Variants in RABGAP1L observed in about 807,000 individuals in gnomAD.
RABGAP1L encodes RAB GTPase activating protein 1 like.
In RABGAP1L, 63 loss-of-function variants were observed where a neutral mutation model predicts 137.7. The observed-to-expected ratio is 0.46, with a 90% CI of 0.37 to 0.56. The LOEUF is 0.56. Among genes scored for constraint, RABGAP1L ranks in the 20% least tolerant of loss-of-function variants. The pLI is 0.00. For synonymous variants in RABGAP1L, 431 were observed against 433.7 expected (o/e 0.99, Z 0.08); for missense variants, 1,095 against 1,244.0 (o/e 0.88, Z 1.80).
chr1:174,638,450 A>C (rs1236101864), intron 14 of RABGAP1L, among the ~76,000 whole-genome samples: 1 of 152,080 alleles, frequency 6.6e-6, no homozygotes, highest in Admixed American at 6.6e-5. Context: ...ACTGTAAACT[A>C]GTTCAACCAT....
chr1:174,629,025 T>G (rs1013119406), intron 13 of RABGAP1L, among the ~76,000 whole-genome samples: 1 of 152,194 alleles, frequency 6.6e-6, no homozygotes, highest in Non-Finnish European at 1.5e-5. Flanking sequence ...ATATTTCTTG[T>G]AAAAATTGAC....
chr1:174,561,159 T>G (rs1406596687), intron 13 of RABGAP1L, among the ~76,000 whole-genome samples: 1 of 152,164 alleles, frequency 6.6e-6, no homozygotes, highest in Non-Finnish European at 1.5e-5. Flanking sequence ...GATAAGCAAC[T>G]TCAGCAAAGT....
At chr1:174,627,456 A>G (rs1033982409) in intron 13 of RABGAP1L, among the ~76,000 whole-genome samples, 1 of 152,242 alleles carries the variant, frequency 6.6e-6, no homozygotes, top group African/African-American at 2.4e-5. Flanking sequence ...GTCAGTGTAT[A>G]TACGTTATAC....
At position 174,637,497 on chromosome 1, in the gene RABGAP1L, C is replaced by G. The variant is rs534287619; in HGVS notation, c.1824+9C>G. On this transcript the variant is annotated intron_variant, in intron 14 of 25. Coordinates refer to ENST00000681986, the MANE Select transcript of RABGAP1L (RefSeq NM_001366446.1). ...TCTATAAGATCTGCAAGGTAGGACT[C>G]TCTTCCTCACTTTTTCTAAATTATT... 7.2e-6 allele frequency: 11 copies of G among 1,533,714 alleles called. No individual in the cohort carries two copies. The East Asian group carries it at 2.5e-4, about 35-fold the overall frequency.
chr1:174,325,850 T>C (rs1481660321), intron 11 of RABGAP1L, among the ~76,000 whole-genome samples: 1 of 152,212 alleles, frequency 6.6e-6, no homozygotes, highest in Non-Finnish European at 1.5e-5. Flanking sequence ...AGGGGCCGTT[T>C]ATGGGCATCA....
intron 13 of RABGAP1L, among the ~76,000 whole-genome samples, chr1:174,400,704 T>C (rs1648469067): frequency 6.6e-6 from 1 of 152,044 alleles, no homozygotes; most frequent in Non-Finnish European, 1.5e-5. Flanking sequence ...CCTCTTCTCT[T>C]TTTGCCAGGG....
At chr1:174,786,281 G>A (rs1449373280) in intron 18 of RABGAP1L, among the ~76,000 whole-genome samples, 1 of 152,114 alleles carries the variant, frequency 6.6e-6, no homozygotes, top group Non-Finnish European at 1.5e-5. Flanking sequence ...AGGTTCATGT[G>A]GACATTGTTT....
Position 174,987,418 on chromosome 1 carries a change from G to A in RABGAP1L, c.2806-1223G>A, listed in dbSNP as rs563538400. Among the ~76,000 whole-genome samples, 16 of 152,262 alleles carry A rather than the reference G, an allele frequency of 1.1e-4. No homozygotes were observed. The East Asian group carries it at 2.7e-3, about 26-fold the overall frequency. ...TTGACCTCGTGATCCACCCACCTTAGCCTCCCAAAGTTGTGGTATTACAGG... is the reference window on the plus strand; with the variant it reads ...TTGACCTCGTGATCCACCCACCTTAACCTCCCAAAGTTGTGGTATTACAGG... On this transcript the variant is annotated intron_variant, in intron 24 of 25. Coordinates refer to ENST00000681986, the MANE Select transcript of RABGAP1L (RefSeq NM_001366446.1).
At chr1:174,967,362 C>A (rs1351734488) in intron 20 of RABGAP1L, among the ~76,000 whole-genome samples, 2 of 136,342 alleles carry the variant, frequency 1.5e-5, no homozygotes, top group Non-Finnish European at 3.1e-5. Flanking sequence ...GAGATGGAGT[C>A]TCACTAACTC....
Position 174,218,476 on chromosome 1 carries a change from AACAGAATT to A in RABGAP1L, c.-33-645_-33-638del, listed in dbSNP as rs542862345. ...CTATGCTGTAGAGATCTATCCAGAAAACAGAATTACACTGTGTTTGATTACTGAAACAT... is the reference window on the plus strand; with the variant it reads ...CTATGCTGTAGAGATCTATCCAGAAAACACTGTGTTTGATTACTGAAACAT... On this transcript the variant is annotated intron_variant, in intron 1 of 25. Transcript: ENST00000681986. Among the ~76,000 whole-genome samples, 23 of 152,272 alleles carry A rather than the reference AACAGAATT, an allele frequency of 1.5e-4. 1 individual carries two copies. In the East Asian group the frequency reaches 4.2e-3, roughly 28 times the overall value.
intron 13 of RABGAP1L, among the ~76,000 whole-genome samples, chr1:174,525,006 CTGT>C (rs1166383969): frequency 2.0e-5 from 3 of 151,980 alleles, no homozygotes; most frequent in African/African-American, 7.3e-5. Context: ...GTCTTTTTGT[CTGT>C]TGTTGTGCTA....
At chr1:174,450,576 G>A (rs780059458) in intron 13 of RABGAP1L, among the ~76,000 whole-genome samples, 4 of 152,148 alleles carry the variant, frequency 2.6e-5, no homozygotes, top group Non-Finnish European at 5.9e-5. Context: ...ACAGGTAAGA[G>A]CTGACAGTAT....
chr1:174,734,819 G>A (rs1365129961), intron 17 of RABGAP1L, among the ~76,000 whole-genome samples: 3 of 151,972 alleles, frequency 2.0e-5, no homozygotes, highest in African/African-American at 7.3e-5. Context: ...AATAATTTTT[G>A]CTTATTTATA....
intron 19 of RABGAP1L, among the ~76,000 whole-genome samples, chr1:174,820,618 C>T (rs1006546205): frequency 6.6e-6 from 1 of 152,112 alleles, no homozygotes. Flanking sequence ...AATTATTGGA[C>T]TCAGGAAGAA....
chr1:174,710,736 A>G (rs968465745), intron 17 of RABGAP1L, among the ~76,000 whole-genome samples: 21 of 152,260 alleles, frequency 1.4e-4, no homozygotes, highest in African/African-American at 3.9e-4. Flanking sequence ...TGTAAAGACC[A>G]TCAACACTAT....
At position 174,187,354 on chromosome 1, in the gene RABGAP1L, A is replaced by G. The variant is rs148441585; in HGVS notation, c.-34+27697A>G. 1.2e-3 allele frequency among the ~76,000 whole-genome samples: 179 copies of G among 152,164 alleles called. 4 individuals are homozygous for G. In the East Asian group the frequency reaches 0.022, roughly 19 times the overall value. On this transcript the variant is annotated intron_variant, in intron 1 of 25. Transcript: ENST00000681986. ...GCCTCTGTGAAGGCAAGGGCCATCCATATATATTGGGTTTACCATAGTGTA... is the reference window on the plus strand; with the variant it reads ...GCCTCTGTGAAGGCAAGGGCCATCCGTATATATTGGGTTTACCATAGTGTA...
intron 1 of RABGAP1L, among the ~76,000 whole-genome samples, chr1:174,196,186 A>G (rs778021370): frequency 6.9e-6 from 1 of 144,044 alleles, no homozygotes; most frequent in Non-Finnish European, 1.5e-5. Flanking sequence ...TATGATCTCC[A>G]TATTTTTCTT....
At chr1:174,740,544 A>C (rs1312179084) in intron 17 of RABGAP1L, among the ~76,000 whole-genome samples, 1 of 152,140 alleles carries the variant, frequency 6.6e-6, no homozygotes, top group Non-Finnish European at 1.5e-5. Flanking sequence ...TCCTAACTGT[A>C]TATATGTGAG....
intron 13 of RABGAP1L, among the ~76,000 whole-genome samples, chr1:174,529,396 C>G (rs1199401692): frequency 2.0e-5 from 3 of 152,054 alleles, no homozygotes; most frequent in Non-Finnish European, 4.4e-5. Context: ...TGCATGATTT[C>G]TTTAATTGTA....
Sources: allele counts gnomAD v4.1 joint callset (sites outside exome capture counted in the v4.1 genomes callset), GRCh38; gene constraint gnomAD v4.1.1; transcripts MANE v1.5; gene names NCBI Gene and HGNC (gene_info 2026-07-23, HGNC 2026-07-21).